Variants in CHD3 observed in about 807,000 individuals in gnomAD.
CHD3 encodes ATP-dependent chromatin remodeler CHD3.
In CHD3, 52 loss-of-function variants were observed where a neutral mutation model predicts 248.9. That is an observed-to-expected ratio of 0.21 (90% CI 0.17 to 0.26). The LOEUF (loss-of-function observed/expected upper bound fraction) is 0.26. Ranked by LOEUF, CHD3 falls within the 10% of genes least tolerant of loss-of-function variation. The pLI is 1.00. For missense variants in CHD3, 1,482 were observed against 2,605.8 expected (o/e 0.57, Z 9.39); for synonymous variants, 985 against 985.2 (o/e 1.00, Z 0.00).
At position 7,905,209 on chromosome 17, in the gene CHD3, A is replaced by T. The variant is rs201318714; in HGVS notation, c.4138+44A>T. ...ACTCTACCTCACCTCTTCCCGTTTT[A>T]TTTTCCAGTTTGCTTTAAGCCCACT... On this transcript the variant is annotated intron_variant, in intron 26 of 39. Transcript: ENST00000330494. The surrounding 1 kb of genome is among the most constrained non-coding windows in gnomAD (Gnocchi z 5.8). The T allele has an allele frequency of 4.4e-6, 7 of 1,583,952 alleles. No homozygotes were observed. The African/African-American group carries it at 8.1e-5, about 18-fold the overall frequency.
Position 7,906,832 on chromosome 17 carries a change from G to A in CHD3, c.4504-37G>A. On this transcript the variant is annotated intron_variant, in intron 29 of 39. Transcript: ENST00000330494. This position sits in a 1 kb window ranked among gnomAD's most constrained non-coding sequence, Gnocchi z 5.0. ...TGGAGCTTCCTGTCTGTAAGCGCCT[G>A]GAGCTGACACCTAACCCTCCCACCC... 6.2e-7 allele frequency: 1 copy of A among 1,612,438 alleles called. No homozygotes were observed. Among genetic ancestry groups the A allele is most frequent in the Non-Finnish European group, 8.5e-7 (1 of 1,178,946 alleles).
upstream of CHD3, chr17:7,884,801 C>G: frequency 1.6e-6 from 1 of 623,520 alleles, no homozygotes; most frequent in Non-Finnish European, 2.4e-6. Context: ...GGGCCAGAGC[C>G]ACAGGATGGC....
rs1968757236 is a variant in CHD3, at chr17:7,890,918, C to T, written c.385-22C>T. ...ATAGGGGCTGGAGGAGCACCTACTT[C>T]ACCAAAGCCCCTCTCCCGCAGCAAG... On this transcript the variant is annotated intron_variant, in intron 3 of 39. Coordinates refer to ENST00000330494, the MANE Select transcript of CHD3 (RefSeq NM_001005273.3). 5.0e-6 allele frequency: 8 copies of T among 1,613,576 alleles called. No individual in the cohort carries two copies. The East Asian group carries it at 1.3e-4, about 27-fold the overall frequency.
chr17:7,898,461 G>C, intron 12 of CHD3, 35 bp from the exon 13 acceptor site: 1 of 1,489,446 alleles, frequency 6.7e-7, no homozygotes, highest in Non-Finnish European at 9.3e-7. Context: ...GGACTCCCAA[G>C]GATGAGGCCT....
rs1475696040 is a variant in CHD3 at position 7,903,902 on chromosome 17, G to A, written c.3805G>A (p.Asp1269Asn). The change falls in exon 24 of 40, where the codon GAT becomes AAT. Residue 1269 changes from aspartate (D) to asparagine (N), a missense_variant. Physicochemically the swap from Asp to Asn is conservative, Grantham distance 23 (BLOSUM62 1). Transcript: ENST00000330494. This position sits in a 1 kb window ranked among gnomAD's most constrained non-coding sequence, Gnocchi z 6.8. ...CGCTCGGCTGTTGGACCGGAACCAG[G>A]ATGCAACTGAGGACACTGACGTGCA... ...AIARLLDRNQ[D>N]ATEDTDVQNM... The A allele has an allele frequency of 6.2e-7, 1 of 1,614,194 alleles. No homozygotes were observed.
intron 7 of CHD3, 35 bp downstream of exon 7, chr17:7,894,300 G>A: frequency 6.2e-7 from 1 of 1,602,302 alleles, no homozygotes. Flanking sequence ...TCCTGTCAGT[G>A]GGCCGTCCTC....
chr17:7,888,719 T>C, upstream of CHD3: 2 of 804,498 alleles, frequency 2.5e-6, no homozygotes, highest in Middle Eastern at 4.6e-4. Context: ...AGAGTGTGTG[T>C]GGGTGTGGGT....
chr17:7,909,495 T>C lies in CHD3; in HGVS notation c.5590+157T>C. ...CACTCCTACCGACCTGGCACCCCCTTGGATTTTAGCCTCTAGGACTTGTGC... is the reference window on the plus strand; with the variant it reads ...CACTCCTACCGACCTGGCACCCCCTCGGATTTTAGCCTCTAGGACTTGTGC... On this transcript the variant is annotated intron_variant, in intron 37 of 39. Transcript: ENST00000330494. The surrounding 1 kb of genome is among the most constrained non-coding windows in gnomAD (Gnocchi z 8.1). 8.9e-7 allele frequency: 1 copy of C among 1,120,468 alleles called. No homozygotes were observed. Among genetic ancestry groups the C allele is most frequent in the Non-Finnish European group, 1.2e-6 (1 of 817,596 alleles). 69.4% of individuals were successfully genotyped at this position (1,120,468 alleles called of 1,614,324 possible).
chr17:7,910,922 G>A lies in CHD3; in HGVS notation c.5830G>A (p.Ala1944Thr), dbSNP rs767659654. ...CAGCGCCGCACCCGTAGGGGCCCTG[G>A]CCGCCGCAGGCGCCAATTACAGCCA... Reference protein sequence around the residue: ...AFSAAPVGALAAAGANYSQMP... With the variant: ...AFSAAPVGALTAAGANYSQMP... The change falls in exon 39 of 40, where the codon GCC (alanine) becomes ACC (threonine). Residue 1944 changes from alanine (A) to threonine (T), a missense_variant. Around this residue, in one of 20 missense-constraint regions of CHD3, gnomAD observed 117 missense variants for 137.2 expected, o/e 0.85. Transcript: ENST00000330494. The surrounding 1 kb of genome is among the most constrained non-coding windows in gnomAD (Gnocchi z 4.7). 3 of 1,613,668 alleles carry A rather than the reference G, an allele frequency of 1.9e-6. No individual in the cohort carries two copies. Among genetic ancestry groups the A allele is most frequent in the Non-Finnish European group, 2.5e-6 (3 of 1,179,862 alleles).
In CHD3 at chr17:7,897,071, G is replaced by A. The variant is rs963368190; in HGVS notation, c.1708-12G>A. ...AGGACTATCTCTTTCCCTTTTTTCT[G>A]TGCCCTGCTAGCTGGAAATCTTCCA... On this transcript the variant is annotated splice_polypyrimidine_tract_variant and intron_variant, in intron 10 of 39. Transcript: ENST00000330494. The surrounding 1 kb of genome is among the most constrained non-coding windows in gnomAD (Gnocchi z 4.8). The A allele has an allele frequency of 3.7e-6, 6 of 1,607,352 alleles. No homozygotes were observed. Among genetic ancestry groups the A allele is most frequent in the Non-Finnish European group, 5.1e-6 (6 of 1,177,406 alleles).
At position 7,906,992 on chromosome 17, in the gene CHD3, G is replaced by GATC. The variant is rs1470209788; in HGVS notation, c.4628_4629insTCA (p.Glu1543delinsAspGln). ...TACCAAAACGTCTCCCACCACTCCT[G>GATC]AGGCTTCTGCTACCAACAGTCCCTG... On this transcript the variant is annotated protein_altering_variant, in exon 30 of 40. Transcript: ENST00000330494. The surrounding 1 kb of genome is among the most constrained non-coding windows in gnomAD (Gnocchi z 5.0). 1 of 1,614,056 alleles carries GATC rather than the reference G, an allele frequency of 6.2e-7. No homozygotes were observed. Among genetic ancestry groups the GATC allele is most frequent in the South Asian group, 1.1e-5 (1 of 91,086 alleles).
At position 7,908,750 on chromosome 17, in the gene CHD3, T is replaced by A. The variant is rs1159837319; in HGVS notation, c.5315T>A (p.Ile1772Asn). Residue 1772 changes from isoleucine to asparagine, a missense_variant, in exon 36 of 40, where the codon ATC becomes AAC. Around this residue, in one of 20 missense-constraint regions of CHD3, gnomAD observed 27 missense variants for 23.5 expected, o/e 1.15. Transcript: ENST00000330494. The surrounding 1 kb of genome is among the most constrained non-coding windows in gnomAD (Gnocchi z 5.8). ...CAGAATGATGCTCAATTTGCCATTA[T>A]CAACGAGCCATTTAAAACTGAAGCC... ...DIQNDAQFAI[I>N]NEPFKTEANK... 6 of 1,614,036 alleles carry A rather than the reference T, an allele frequency of 3.7e-6. No individual in the cohort carries two copies. Among genetic ancestry groups the A allele is most frequent in the African/African-American group, 1.3e-5 (1 of 74,908 alleles).
Position 7,905,800 on chromosome 17 carries a change from C to T in CHD3, c.4225-56C>T. On this transcript the variant is annotated intron_variant, in intron 27 of 39. Coordinates refer to ENST00000330494, the MANE Select transcript of CHD3 (RefSeq NM_001005273.3). The surrounding 1 kb of genome is among the most constrained non-coding windows in gnomAD (Gnocchi z 5.8). ...CCTGGATCACTGAAGGTAGAAAGGA[C>T]AAGACCTAAGAACCCTAGACATTTG... 1.2e-6 allele frequency: 2 copies of T among 1,614,038 alleles called. No individual in the cohort carries two copies. Among genetic ancestry groups the T allele is most frequent in the Non-Finnish European group, 1.7e-6 (2 of 1,179,932 alleles).
intron 4 of CHD3, among the ~76,000 whole-genome samples, chr17:7,891,764 G>A (rs1968893435): frequency 6.6e-6 from 1 of 152,016 alleles, no homozygotes; most frequent in African/African-American, 2.4e-5. Flanking sequence ...GGGAGGCTAA[G>A]GCAGGAGAAT....
At position 7,889,044 on chromosome 17, in the gene CHD3, A is replaced by C; in HGVS notation, c.44A>C (p.Asn15Thr). ...DTVILWARSK[N>T]DQLRISFPPG... is the part of the protein sequence containing the mutation. The stretch of plus-strand genomic sequence containing the variant: ...GTGATCCTGTGGGCAAGAAGTAAAA[A>C]TGACCAGCTGAGGATTTCTTTTCCT... The change falls in exon 1 of 40, where the codon AAT (asparagine) becomes ACT (threonine). Residue 15 changes from asparagine to threonine, a missense_variant. Asn to Thr is a moderately conservative substitution (Grantham distance 65). This residue lies in a region of CHD3 where 169 missense variants were observed against 168.1 expected (regional missense o/e 1.01). Transcript: ENST00000330494. This position sits in a 1 kb window ranked among gnomAD's most constrained non-coding sequence, Gnocchi z 4.5. The C allele has an allele frequency of 6.2e-7, 1 of 1,614,260 alleles. No homozygotes were observed. Among genetic ancestry groups the C allele is most frequent in the Non-Finnish European group, 8.5e-7 (1 of 1,180,046 alleles).
Position 7,908,321 on chromosome 17 carries a change from T to G in CHD3, c.5153-81T>G. 8.8e-7 allele frequency: 1 copy of G among 1,135,508 alleles called. No individual in the cohort carries two copies. The highest frequency in any genetic ancestry group is 1.3e-6 in the Non-Finnish European group (1 of 771,830). The allele number at this position is 1,135,508 out of a possible 1,614,324, so 70.3% of individuals were successfully genotyped here. A position where few individuals can be genotyped will look rare whatever the true frequency, so the allele number is the denominator to read the frequency against. ...CCTTAGTTCCCTTTCATTATTCAGT[T>G]TCTCCATCTCTACCTGTCTGTTGGA... On this transcript the variant is annotated intron_variant, in intron 34 of 39. Transcript: ENST00000330494. This position sits in a 1 kb window ranked among gnomAD's most constrained non-coding sequence, Gnocchi z 5.8.
rs1345328898 is a variant in CHD3, at chr17:7,910,694, G to A, written c.5754+103G>A. 1.8e-5 allele frequency: 27 copies of A among 1,516,532 alleles called. No homozygotes were observed. The highest frequency in any genetic ancestry group is 2.3e-5 in the Non-Finnish European group (26 of 1,126,660). 93.9% of individuals were successfully genotyped at this position (1,516,532 alleles called of 1,614,324 possible). A position where few individuals can be genotyped will look rare whatever the true frequency, so the allele number is the denominator to read the frequency against. ...CCTATACAATATGGAAAAACAACTT[G>A]CTAGAACACAGTCATCACCCTTGAG... On this transcript the variant is annotated intron_variant, in intron 38 of 39. Transcript: ENST00000330494. The surrounding 1 kb of genome is among the most constrained non-coding windows in gnomAD (Gnocchi z 4.7).
At position 7,897,061 on chromosome 17, in the gene CHD3, C is replaced by T. The variant is rs1360282410; in HGVS notation, c.1708-22C>T. ...TGTGAGTGTCAGGACTATCTCTTTC[C>T]CTTTTTTCTGTGCCCTGCTAGCTGG... is the stretch of plus-strand genomic sequence containing the variant. On this transcript the variant is annotated intron_variant, in intron 10 of 39. Coordinates refer to ENST00000330494, the MANE Select transcript of CHD3 (RefSeq NM_001005273.3). This position sits in a 1 kb window ranked among gnomAD's most constrained non-coding sequence, Gnocchi z 4.8. The T allele has an allele frequency of 6.2e-7, 1 of 1,607,162 alleles. No individual in the cohort carries two copies. The highest frequency in any genetic ancestry group is 1.1e-5 in the South Asian group (1 of 90,930).
rs963271240 is a variant in CHD3 at position 7,908,614 on chromosome 17, G to T, written c.5262-83G>T. On this transcript the variant is annotated intron_variant, in intron 35 of 39. Coordinates refer to ENST00000330494, the MANE Select transcript of CHD3 (RefSeq NM_001005273.3). This position sits in a 1 kb window ranked among gnomAD's most constrained non-coding sequence, Gnocchi z 5.8. Reference sequence around the variant, plus strand: ...GACAGGGCTAGTGCCACACTTTGGGGAGTCAAGCCAAAAGGAAGAAGTGTT... The same window carrying T: ...GACAGGGCTAGTGCCACACTTTGGGTAGTCAAGCCAAAAGGAAGAAGTGTT... The T allele has an allele frequency of 2.5e-6, 4 of 1,593,986 alleles. No individual in the cohort carries two copies. The African/African-American group carries it at 5.4e-5, about 21-fold the overall frequency.
Sources: allele counts gnomAD v4.1 joint callset (sites outside exome capture counted in the v4.1 genomes callset), GRCh38; gene constraint gnomAD v4.1.1; regional missense constraint gnomAD v4.1.1; non-coding constraint Gnocchi (gnomAD v3.1); transcripts MANE v1.5; gene names NCBI Gene and HGNC (gene_info 2026-07-23, HGNC 2026-07-21).